Variants in TET2 observed in about 807,000 individuals in gnomAD.
TET2 encodes the protein tet methylcytosine dioxygenase 2, also known as methylcytosine dioxygenase TET2.
A neutral mutation model predicts 142.9 loss-of-function variants in TET2; 299 were observed. That is an observed-to-expected ratio of 2.09 (90% confidence interval 1.90 to 2.30). The LOEUF (loss-of-function observed/expected upper bound fraction) is 2.30, where lower values mean the gene tolerates loss of function less well. TET2 is among the 30% of genes most tolerant of loss of function. TET2 has a pLI of 0.00. For missense variants in TET2, 2,418 were observed against 2,378.0 expected, an observed-to-expected ratio of 1.02 and a Z score of -0.35; for synonymous variants, 819 against 849.0, an observed-to-expected ratio of 0.96 and a Z score of 0.61.
intron 6 of TET2, among the ~76,000 whole-genome samples, chr4:105,252,436 G>A (rs890527042): frequency 2.0e-5 from 3 of 152,136 alleles, no homozygotes; most frequent in Non-Finnish European, 4.4e-5. Flanking sequence ...AGACATCTTA[G>A]TTGCTTCCAA....
At chr4:105,238,970 AG>A (rs1729116726) in intron 3 of TET2, 1 of 242,394 alleles carries the variant, frequency 4.1e-6, no homozygotes, top group Non-Finnish European at 8.7e-6. Flanking sequence ...TTGTATTAAC[AG>A]GCACGAAAAC....
intron 8 of TET2, among the ~76,000 whole-genome samples, chr4:105,265,925 T>G (rs967551853): frequency 5.3e-5 from 8 of 152,122 alleles, no homozygotes; most frequent in Non-Finnish European, 2.9e-5. Context: ...CAGCCTTATC[T>G]CTGTATTAAG....
At chr4:105,247,394 A>ATGAT (rs1418781707) in intron 6 of TET2, among the ~76,000 whole-genome samples, 2 of 152,192 alleles carry the variant, frequency 1.3e-5, no homozygotes, top group Non-Finnish European at 2.9e-5. Context: ...GCCCTTCCAC[A>ATGAT]TGATTGACAC....
intron 3 of TET2, chr4:105,240,319 C>T: frequency 9.4e-7 from 1 of 1,058,664 alleles, no homozygotes; most frequent in Non-Finnish European, 1.2e-6. Context: ...CGAGGTATGC[C>T]TGTATTTTTA....
At chr4:105,245,858 G>A (rs75900863) in intron 6 of TET2, among the ~76,000 whole-genome samples, 1 of 152,278 alleles carries the variant, frequency 6.6e-6, no homozygotes, top group East Asian at 1.9e-4. Flanking sequence ...AGAACCTCTT[G>A]TGAAAATGAT....
At chr4:105,198,293 G>A (rs1168255930) in intron 2 of TET2, among the ~76,000 whole-genome samples, 1 of 152,132 alleles carries the variant, frequency 6.6e-6, no homozygotes, top group East Asian at 1.9e-4. Context: ...CCGAGATCGT[G>A]CCGTTGCACT....
rs910278144 is a variant in TET2, at chr4:105,235,036, G to T, written c.1094G>T (p.Gly365Val). 6.2e-7 allele frequency: 1 copy of T among 1,614,014 alleles called. No homozygotes were observed. Among genetic ancestry groups the T allele is most frequent in the African/African-American group, 1.3e-5 (1 of 74,916 alleles). ...GSSSNLQAPG[G>V]SSERYLKQNE... is the part of the protein sequence containing the mutation. ...AGCAGCAATTTGCAAGCTCCTGGTG[G>T]CAGCTCTGAACGGTATTTAAAACAA... The change falls in exon 3 of 11, where the codon GGC (glycine) becomes GTC (valine). Residue 365 changes from glycine (G) to valine (V), a missense_variant. Physicochemically the swap from Gly to Val is moderately radical, Grantham distance 109. Coordinates refer to ENST00000380013, the MANE Select transcript of TET2 (RefSeq NM_001127208.3).
At chr4:105,227,799 C>T (rs1199785591) in intron 2 of TET2, among the ~76,000 whole-genome samples, 4 of 152,074 alleles carry the variant, frequency 2.6e-5, no homozygotes, top group Non-Finnish European at 5.9e-5. Context: ...TCTTTGCAAT[C>T]ATTTAAATTC....
At chr4:105,223,787 C>G (rs914598816) in intron 2 of TET2, among the ~76,000 whole-genome samples, 1 of 152,086 alleles carries the variant, frequency 6.6e-6, no homozygotes, top group East Asian at 1.9e-4. Context: ...TCCTAACACT[C>G]TGAATTACTA....
chr4:105,163,844 AGAGAGAGAGAGTGTGTGTGT>A (rs1723996849), intron 1 of TET2, among the ~76,000 whole-genome samples: 1 of 118,602 alleles, frequency 8.4e-6, no homozygotes, highest in African/African-American at 3.6e-5. Context: ...AGAGAGAGAG[AGAGAGAGAGAGTGTGTGTGT>A]GTGTGTGTGT....
At chr4:105,261,060 T>C (rs1363071082) in intron 7 of TET2, among the ~76,000 whole-genome samples, 1 of 152,082 alleles carries the variant, frequency 6.6e-6, no homozygotes, top group African/African-American at 2.4e-5. Context: ...CAGGTGGTTA[T>C]GTCTCACAAC....
upstream of TET2, chr4:105,146,255 A>T (rs753005497): frequency 3.3e-5 from 5 of 152,354 alleles, no homozygotes; most frequent in Non-Finnish European, 7.3e-5. Context: ...AAAAAGTTTC[A>T]AAGGGAAATC....
At chr4:105,182,101 A>T (rs999915762) in intron 1 of TET2, among the ~76,000 whole-genome samples, 57 of 152,118 alleles carry the variant, frequency 3.7e-4, no homozygotes, top group African/African-American at 1.4e-3. Flanking sequence ...CTACAACCAA[A>T]GTTAATAGTT....
chr4:105,166,865 G>C (rs1398785640), intron 1 of TET2, among the ~76,000 whole-genome samples: 8 of 151,920 alleles, frequency 5.3e-5, no homozygotes, highest in African/African-American at 1.9e-4. Flanking sequence ...CTATTCATAT[G>C]TTTATTAGGA....
intron 2 of TET2, among the ~76,000 whole-genome samples, chr4:105,198,274 T>A (rs545265722): frequency 2.0e-5 from 3 of 152,088 alleles, no homozygotes; most frequent in South Asian, 4.1e-4. Flanking sequence ...AGGTGGAGGT[T>A]GCAGTGAGCC....
At position 105,275,434 on chromosome 4, in the gene TET2, TG is replaced by T. The variant is rs1731162576; in HGVS notation, c.4925del (p.Cys1642SerfsTer53). On this transcript the variant is annotated frameshift_variant, in exon 11 of 11. Transcript: ENST00000380013. LOFTEE classifies it low-confidence loss of function (END_TRUNC). ...CAATGGAAACCTATCAGTGGACAAC[TG>T]CTCCCCATATCTGGGTTCCTATTCT... is the stretch of plus-strand genomic sequence containing the variant. ...QCNGNLSVDN[C>X]SPYLGSYSPQ... 2 of 1,551,638 alleles carry T rather than the reference TG, an allele frequency of 1.3e-6. No individual in the cohort carries two copies. Among genetic ancestry groups the T allele is most frequent in the Non-Finnish European group, 1.7e-6 (2 of 1,146,974 alleles).
chr4:105,253,636 TTTC>T (rs1409889361), intron 6 of TET2, among the ~76,000 whole-genome samples: 2 of 152,042 alleles, frequency 1.3e-5, no homozygotes, highest in Non-Finnish European at 2.9e-5. Flanking sequence ...TACCTTTTAT[TTTC>T]TTGTCTTAAT....
chr4:105,247,554 A>C (rs749594777), intron 6 of TET2, among the ~76,000 whole-genome samples: 10 of 151,998 alleles, frequency 6.6e-5, no homozygotes, highest in Non-Finnish European at 1.5e-4. Flanking sequence ...TTTCTTTATG[A>C]ATTTGAATTT....
rs2110219721 is a variant in TET2 at position 105,234,078 on chromosome 4, C to A, written c.136C>A (p.Pro46Thr). 1 of 1,614,016 alleles carries A rather than the reference C, an allele frequency of 6.2e-7. No homozygotes were observed. Among genetic ancestry groups the A allele is most frequent in the African/African-American group, 1.3e-5 (1 of 75,026 alleles). The change falls in exon 3 of 11, where the codon CCA becomes ACA. Residue 46 changes from proline (P) to threonine (T), a missense_variant. Physicochemically the swap from Pro to Thr is conservative, Grantham distance 38 (BLOSUM62 -1). Coordinates refer to ENST00000380013, the MANE Select transcript of TET2 (RefSeq NM_001127208.3). Reference sequence around the variant, plus strand: ...AAGCCCACTGCCTGAGAGAGCTCATCCAGAAGTAAATGGAGACACCAAGTG... The same window carrying A: ...AAGCCCACTGCCTGAGAGAGCTCATACAGAAGTAAATGGAGACACCAAGTG... The part of the protein sequence containing the change: ...NGSPLPERAH[P>T]EVNGDTKWHS...
Sources: gnomAD v4.1 joint callset for allele counts (sites outside exome capture counted in the v4.1 genomes callset) on GRCh38, gnomAD v4.1.1 for gene constraint, MANE v1.5 for transcripts, NCBI Gene and HGNC (gene_info 2026-07-23, HGNC 2026-07-21) for gene names.